The following MBTPS1 variants were observed in gnomAD, a reference collection of about 807,000 sequenced individuals.
MBTPS1 encodes membrane-bound transcription factor site-1 protease.
MBTPS1 carries 94 observed loss-of-function variants against 127.8 expected under a neutral mutation model. The ratio of observed to expected loss-of-function variants is 0.74; its 90% CI spans 0.62 to 0.87. MBTPS1 has a LOEUF of 0.87. MBTPS1 is among the 40% of genes least tolerant of loss of function. The pLI is 0.00. For missense variants in MBTPS1, 1,636 were observed against 1,353.2 expected (o/e 1.21, Z -3.28); for synonymous variants, 632 against 509.4 (o/e 1.24, Z -3.24).
chr16:84,060,845 CT>C (rs757950134), intron 19 of MBTPS1, 32 bp from the exon 20 acceptor site: 52,637 of 1,016,006 alleles, frequency 0.052, 1 homozygote, highest in South Asian at 0.085. Flanking sequence ...TTAGGAATTC[CT>C]TTTTTTTTTT....
chr16:84,067,620 T>C (rs2085704971), intron 16 of MBTPS1, 47 bp downstream of exon 16: 2 of 1,425,736 alleles, frequency 1.4e-6, no homozygotes, highest in Non-Finnish European at 9.7e-7. Flanking sequence ...GGGTAGAATT[T>C]GATTCCCCAA....
intron 7 of MBTPS1, among the ~76,000 whole-genome samples, chr16:84,091,417 C>T (rs1416710493): frequency 1.4e-5 from 2 of 142,218 alleles, no homozygotes; most frequent in African/African-American, 2.6e-5. Flanking sequence ...ACCTGGGAGG[C>T]GGAGGTTGCA....
Position 84,054,707 on chromosome 16 carries a change from T to C in MBTPS1, c.2963-62A>G, listed in dbSNP as rs1270781474. 3.1e-6 allele frequency: 4 copies of C among 1,308,780 alleles called. No individual in the cohort carries two copies. In the East Asian group the frequency reaches 7.5e-5, roughly 25 times the overall value. 81.1% of individuals were successfully genotyped at this position (1,308,780 alleles called of 1,614,324 possible). A position where few individuals can be genotyped will look rare whatever the true frequency, so the allele number is the denominator to read the frequency against. ...CACAGAGCTACCATGACGGCCTTTT[T>C]CTATGACGGCTGGATTCATCAGAAA... On this transcript the variant is annotated intron_variant, in intron 22 of 22. Coordinates refer to ENST00000343411, the MANE Select transcript of MBTPS1 (RefSeq NM_003791.4).
chr16:84,114,388 T>A (rs1402788981), intron 1 of MBTPS1, among the ~76,000 whole-genome samples: 1 of 151,990 alleles, frequency 6.6e-6, no homozygotes, highest in Non-Finnish European at 1.5e-5. Flanking sequence ...CAGTCAAGAG[T>A]GAGAAACCTT....
At chr16:84,104,222 A>G (rs1242435677) in intron 1 of MBTPS1, among the ~76,000 whole-genome samples, 1 of 137,256 alleles carries the variant, frequency 7.3e-6, no homozygotes, top group African/African-American at 2.4e-5. Context: ...CACTCAAGGC[A>G]GGCTTTTTGT....
intron 16 of MBTPS1, among the ~76,000 whole-genome samples, chr16:84,066,991 A>C (rs1386790800): frequency 1.3e-5 from 2 of 152,214 alleles, no homozygotes; most frequent in Non-Finnish European, 2.9e-5. Context: ...TATGTTTATA[A>C]TACATTGGGA....
intron 8 of MBTPS1, among the ~76,000 whole-genome samples, chr16:84,089,380 T>G (rs2086073125): frequency 1.3e-5 from 2 of 152,208 alleles, no homozygotes; most frequent in African/African-American, 4.8e-5. Context: ...TATCTGACCC[T>G]TTACAGAAAA....
At chr16:84,067,988 G>C (rs537395054) in intron 15 of MBTPS1, among the ~76,000 whole-genome samples, 165 bp from the exon 16 acceptor site, 12 of 152,358 alleles carry the variant, frequency 7.9e-5, no homozygotes, top group African/African-American at 2.9e-4. Context: ...TAGAGGACCA[G>C]GATCCAGCAA....
At chr16:84,068,626 T>G (rs2085725712) in intron 14 of MBTPS1, among the ~76,000 whole-genome samples, 172 bp from the exon 15 acceptor site, 1 of 152,218 alleles carries the variant, frequency 6.6e-6, no homozygotes, top group Non-Finnish European at 1.5e-5. Flanking sequence ...TGCTCTGGTC[T>G]GGACACACGG....
chr16:84,088,686 C>A (rs146319855), intron 8 of MBTPS1, among the ~76,000 whole-genome samples: 38 of 152,284 alleles, frequency 2.5e-4, no homozygotes, highest in Non-Finnish European at 5.3e-4. Context: ...ACCAAGGGCA[C>A]AGGACCCAGA....
chr16:84,060,571 C>T (rs184312217), intron 20 of MBTPS1, 111 bp downstream of exon 20: 66 of 1,257,950 alleles, frequency 5.2e-5, no homozygotes, highest in Non-Finnish European at 6.3e-5. Context: ...AACCACTCAG[C>T]GGCGCACACA....
intron 2 of MBTPS1, among the ~76,000 whole-genome samples, chr16:84,099,603 G>A (rs1402789042): frequency 2.6e-5 from 4 of 152,070 alleles, no homozygotes; most frequent in Non-Finnish European, 4.4e-5. Context: ...GGCCAACATA[G>A]TGAAACCCCA....
rs748182107 is a variant in MBTPS1 at position 84,054,172 on chromosome 16, C to T, written c.*277G>A. On this transcript the variant is annotated 3_prime_UTR_variant, in exon 23 of 23. Transcript: ENST00000343411. ...AGTCAGAAGACCCCAGACAGCCTTTCCAGTTCTCCCGAGTCTTTGGTGCGC... is the reference window on the plus strand; with the variant it reads ...AGTCAGAAGACCCCAGACAGCCTTTTCAGTTCTCCCGAGTCTTTGGTGCGC... 3.4e-4 allele frequency: 102 copies of T among 296,708 alleles called. No homozygotes were observed. The highest frequency in any genetic ancestry group is 5.9e-4 in the Non-Finnish European group (94 of 159,748). The allele number at this position is 296,708 out of a possible 1,614,324, so 18.4% of individuals were successfully genotyped here.
intron 1 of MBTPS1, among the ~76,000 whole-genome samples, chr16:84,103,616 T>C (rs1178170884): frequency 6.6e-6 from 1 of 152,182 alleles, no homozygotes; most frequent in Non-Finnish European, 1.5e-5. Flanking sequence ...CAAAAGGTAC[T>C]TCAAGCTGTA....
At chr16:84,091,629 C>T (rs2086108277) in intron 7 of MBTPS1, 103 bp downstream of exon 7, 4 of 770,270 alleles carry the variant, frequency 5.2e-6, no homozygotes, top group South Asian at 3.0e-5. Context: ...AAAGCTGTCA[C>T]CACCTGGATG....
At position 84,087,445 on chromosome 16, in the gene MBTPS1, AG is replaced by A; in HGVS notation, c.1046del (p.Pro349LeufsTer7). The A allele has an allele frequency of 6.2e-7, 1 of 1,603,274 alleles. No homozygotes were observed. Among genetic ancestry groups the A allele is most frequent in the Non-Finnish European group, 8.5e-7 (1 of 1,172,090 alleles). On this transcript the variant is annotated frameshift_variant, in exon 9 of 23. Coordinates refer to ENST00000343411, the MANE Select transcript of MBTPS1 (RefSeq NM_003791.4). LOFTEE classifies it high-confidence loss of function. The stretch of plus-strand genomic sequence containing the variant: ...CTCCAATCACATCCATTTGATCAGC[AG>A]GGTTATTCAGAGTGCTATATTGAGA... ...DGPLYGTLNNPADQMDVIGVG... is the reference protein window; with the variant it reads ...DGPLYGTLNNXADQMDVIGVG...
chr16:84,068,066 G>C (rs1170143238), intron 15 of MBTPS1, among the ~76,000 whole-genome samples: 5 of 152,262 alleles, frequency 3.3e-5, no homozygotes, highest in Non-Finnish European at 7.3e-5. Context: ...ATTCACTTGA[G>C]AAGGAGCAAA....
rs1414244594 is a variant in MBTPS1, at chr16:84,116,840, G to T, written c.-430C>A. ...GGCTGTTTACTCCCAACTCTCGCGA[G>T]ACTGGGCGACCGGGCCAGCGAGGCC... is the stretch of plus-strand genomic sequence containing the variant. On this transcript the variant is annotated 5_prime_UTR_variant, in exon 1 of 23. Transcript: ENST00000343411. 2 of 152,220 alleles carry T rather than the reference G, an allele frequency of 1.3e-5. No homozygotes were observed. The highest frequency in any genetic ancestry group is 2.9e-5 in the Non-Finnish European group (2 of 68,078). The allele number at this position is 152,220 out of a possible 1,614,324, so 9.4% of individuals were successfully genotyped here.
At chr16:84,091,678 C>G in intron 7 of MBTPS1, 54 bp downstream of exon 7, 1 of 1,225,936 alleles carries the variant, frequency 8.2e-7, no homozygotes, top group Non-Finnish European at 1.2e-6. Flanking sequence ...CAAAGTTGGG[C>G]TGCGAAAGAG....
Sources: gnomAD v4.1 joint callset for allele counts (sites outside exome capture counted in the v4.1 genomes callset) on GRCh38, gnomAD v4.1.1 for gene constraint, MANE v1.5 for transcripts, NCBI Gene and HGNC (gene_info 2026-07-23, HGNC 2026-07-21) for gene names.